The following GANC variants were observed in gnomAD, a reference collection of about 807,000 sequenced individuals.
The protein encoded by GANC is neutral alpha-glucosidase C.
GANC carries 117 observed loss-of-function variants against 124.2 expected under a neutral mutation model. The observed-to-expected ratio is 0.94, with a 90% CI of 0.81 to 1.10. The LOEUF (loss-of-function observed/expected upper bound fraction) is 1.10. GANC is among the 50% of genes least tolerant of loss of function. The probability of loss-of-function intolerance (pLI) is 0.00; values close to 1 mark genes in which losing one functional copy is unlikely to be tolerated. For missense variants in GANC, 1,140 were observed against 1,095.0 expected, an observed-to-expected ratio of 1.04 and a Z score of -0.58; for synonymous variants, 377 against 376.8, an observed-to-expected ratio of 1.00 and a Z score of -0.01.
intron 12 of GANC, 104 bp downstream of exon 12, chr15:42,326,528 C>T: frequency 1.9e-6 from 3 of 1,543,312 alleles, no homozygotes; most frequent in Non-Finnish European, 2.6e-6. Flanking sequence ...TCTTGCTCCT[C>T]TAGCTACATT....
chr15:42,337,122 C>G lies in GANC; in HGVS notation c.1742-1267C>G, dbSNP rs576157884. On this transcript the variant is annotated intron_variant, in intron 15 of 23. Transcript: ENST00000318010. Reference sequence around the variant, plus strand: ...CAGAACTACCATTTGACCCAGCAATCCCATTACTAGGTATATACCCAAAGG... The same window carrying G: ...CAGAACTACCATTTGACCCAGCAATGCCATTACTAGGTATATACCCAAAGG... Among the ~76,000 whole-genome samples the G allele has an allele frequency of 1.2e-4, 19 of 152,298 alleles. 1 individual carries two copies. The South Asian group carries it at 3.9e-3, about 32-fold the overall frequency.
At chr15:42,334,132 A>G (rs757216633) in intron 15 of GANC, among the ~76,000 whole-genome samples, 5 of 151,006 alleles carry the variant, frequency 3.3e-5, no homozygotes, top group Admixed American at 6.7e-5. Flanking sequence ...TAAAAATACA[A>G]CCTAACTTCT....
At position 42,273,312 on chromosome 15, in the gene GANC, C is replaced by T; in HGVS notation, c.-1170C>T. ...CGGCAGCAGCTACGGTTGCCGGTCC[C>T]GCACTGAAAAACGACAGTGGTGACG... On this transcript the variant is annotated 5_prime_UTR_variant, in exon 1 of 24. Coordinates refer to ENST00000318010, the MANE Select transcript of GANC (RefSeq NM_198141.3). 6.2e-7 allele frequency: 1 copy of T among 1,614,170 alleles called. No individual in the cohort carries two copies. The highest frequency in any genetic ancestry group is 8.5e-7 in the Non-Finnish European group (1 of 1,180,032).
At position 42,273,350 on chromosome 15, in the gene GANC, G is replaced by A; in HGVS notation, c.-1132G>A. ...GACAGTGGTGACGGGTGAGCTCCCA[G>A]AAGCAGAAGAATGACAGGCAACACC... On this transcript the variant is annotated 5_prime_UTR_variant, in exon 1 of 24. Coordinates refer to ENST00000318010, the MANE Select transcript of GANC (RefSeq NM_198141.3). The A allele has an allele frequency of 6.2e-7, 1 of 1,614,146 alleles. No homozygotes were observed. The highest frequency in any genetic ancestry group is 1.1e-5 in the South Asian group (1 of 91,086).
chr15:42,311,880 C>G (rs1208735602), intron 10 of GANC, among the ~76,000 whole-genome samples: 1 of 151,876 alleles, frequency 6.6e-6, no homozygotes, highest in Non-Finnish European at 1.5e-5. Context: ...TTTCTATATA[C>G]CCGCAATGAA....
At chr15:42,298,230 C>T (rs2141032446) in intron 6 of GANC, among the ~76,000 whole-genome samples, 1 of 152,150 alleles carries the variant, frequency 6.6e-6, no homozygotes. Flanking sequence ...GAGCATATTC[C>T]ATTTGAAGAA....
intron 5 of GANC, among the ~76,000 whole-genome samples, chr15:42,296,757 T>G (rs2051895977): frequency 6.6e-6 from 1 of 152,126 alleles, no homozygotes; most frequent in Admixed American, 6.5e-5. Flanking sequence ...TTATTTGGAT[T>G]CGTCTTTTCT....
chr15:42,282,915 G>A (rs536563738), intron 3 of GANC, among the ~76,000 whole-genome samples: 6 of 152,248 alleles, frequency 3.9e-5, no homozygotes, highest in South Asian at 2.1e-4. Context: ...TTGTGCCCTC[G>A]CATAGTGGAG....
At chr15:42,339,305 AAC>A (rs60116980) in intron 16 of GANC, among the ~76,000 whole-genome samples, 25,516 of 118,770 alleles carry the variant, frequency 0.21, 2,731 homozygotes, top group Non-Finnish European at 0.26. Flanking sequence ...ACCCCCCTCC[AAC>A]ACACACACAC....
intron 20 of GANC, among the ~76,000 whole-genome samples, chr15:42,346,249 A>G (rs1270444808): frequency 6.6e-6 from 1 of 152,178 alleles, no homozygotes; most frequent in East Asian, 1.9e-4. Context: ...TCAGTCCATA[A>G]TGTGTTCCTC....
chr15:42,344,391 C>A (rs943391984), intron 19 of GANC, among the ~76,000 whole-genome samples: 2 of 152,122 alleles, frequency 1.3e-5, no homozygotes, highest in Non-Finnish European at 2.9e-5. Context: ...CTTCATGTTG[C>A]CTTTTCCTCT....
At chr15:42,350,343 A>G (rs1364904717) in intron 22 of GANC, among the ~76,000 whole-genome samples, 2 of 150,894 alleles carry the variant, frequency 1.3e-5, no homozygotes, top group Non-Finnish European at 2.9e-5. Flanking sequence ...CGACTTTCTA[A>G]AAAATGAAAA....
In GANC at chr15:42,330,566, G is replaced by A. The variant is rs373545541; in HGVS notation, c.1645-10G>A. 53 of 1,603,358 alleles carry A rather than the reference G, an allele frequency of 3.3e-5. No homozygotes were observed. The highest frequency in any genetic ancestry group is 1.7e-4 in the Middle Eastern group (1 of 6,046). On this transcript the variant is annotated splice_polypyrimidine_tract_variant and intron_variant, in intron 14 of 23. Transcript: ENST00000318010. ...CATCTCTTTGAAATTTTTCTTGTTT[G>A]GTGATATAGCAAATGGCTACTGCAG...
intron 2 of GANC, chr15:42,277,986 C>A (rs774858670): frequency 1.4e-5 from 4 of 285,288 alleles, no homozygotes; most frequent in Non-Finnish European, 3.0e-5. Flanking sequence ...TTGTATTATA[C>A]AGTATAGCTT....
chr15:42,277,356 C>G (rs574194591), intron 2 of GANC, among the ~76,000 whole-genome samples: 1 of 152,028 alleles, frequency 6.6e-6, no homozygotes, highest in African/African-American at 2.4e-5. Context: ...CATGCAGAAA[C>G]CCCGTCTCTA....
chr15:42,277,194 C>G (rs916375219), intron 2 of GANC, among the ~76,000 whole-genome samples: 6 of 152,144 alleles, frequency 3.9e-5, no homozygotes, highest in Admixed American at 6.5e-5. Context: ...TACCAGATTT[C>G]CCTCCATAGG....
At position 42,273,697 on chromosome 15, in the gene GANC, A is replaced by C. The variant is rs1160477603; in HGVS notation, c.-785A>C. On this transcript the variant is annotated 5_prime_UTR_variant, in exon 1 of 24. Coordinates refer to ENST00000318010, the MANE Select transcript of GANC (RefSeq NM_198141.3). ...GCCGTTAAAGGTTTTAGGACCAGGC[A>C]GGCACCCCGTGCAGGATTTGGCTCT... 1.5e-5 allele frequency: 6 copies of C among 391,506 alleles called. No homozygotes were observed. The East Asian group carries it at 3.0e-4, about 19-fold the overall frequency. 24.3% of individuals were successfully genotyped at this position (391,506 alleles called of 1,614,324 possible). A position where few individuals can be genotyped will look rare whatever the true frequency, so the allele number is the denominator to read the frequency against.
rs772566765 is a variant in GANC at position 42,292,733 on chromosome 15, A to C, written c.330-2A>C. 5.6e-6 allele frequency: 9 copies of C among 1,612,622 alleles called. No individual in the cohort carries two copies. Among genetic ancestry groups the C allele is most frequent in the Non-Finnish European group, 7.6e-6 (9 of 1,179,020 alleles). On this transcript the variant is annotated splice_acceptor_variant, in intron 4 of 23. Coordinates refer to ENST00000318010, the MANE Select transcript of GANC (RefSeq NM_198141.3). LOFTEE classifies it high-confidence loss of function. ...TTTCTCTCTTCCTGTTTTGTTTTCT[A>C]GGCTGATTTCATGCTCTGGGGACAC...
At chr15:42,288,200 G>A (rs971818923) in intron 4 of GANC, among the ~76,000 whole-genome samples, 9 of 152,046 alleles carry the variant, frequency 5.9e-5, no homozygotes, top group African/African-American at 1.7e-4. Context: ...GCAGGGCTCC[G>A]GAGATCTAAT....
Sources: gnomAD v4.1 joint callset for allele counts (sites outside exome capture counted in the v4.1 genomes callset) on GRCh38, gnomAD v4.1.1 for gene constraint, MANE v1.5 for transcripts, NCBI Gene and HGNC (gene_info 2026-07-23, HGNC 2026-07-21) for gene names.